NUP98: variants seen among roughly 807,000 people sequenced by gnomAD.
The protein encoded by NUP98 is nuclear pore complex protein Nup98-Nup96.
NUP98 carries 26 observed loss-of-function variants against 191.9 expected under a neutral mutation model. The observed-to-expected ratio is 0.14, with a 90% CI of 0.10 to 0.19. The LOEUF is 0.19. NUP98 is among the 10% of genes least tolerant of loss of function. NUP98 has a pLI of 1.00. For missense variants in NUP98, 1,941 were observed against 2,178.8 expected (o/e 0.89, Z 2.17); for synonymous variants, 808 against 778.4 (o/e 1.04, Z -0.63).
At chr11:3,777,732 A>C (rs2133930580) in intron 4 of NUP98, among the ~76,000 whole-genome samples, 1 of 152,248 alleles carries the variant, frequency 6.6e-6, no homozygotes, top group South Asian at 2.1e-4. Flanking sequence ...TACCAGGTTA[A>C]AGAGTACTAT....
chr11:3,682,506 A>C (rs992124234), intron 30 of NUP98, among the ~76,000 whole-genome samples: 1 of 152,220 alleles, frequency 6.6e-6, no homozygotes, highest in African/African-American at 2.4e-5. Flanking sequence ...CTTAGGAAAT[A>C]GGAAGGCCCA....
At position 3,791,102 on chromosome 11, in the gene NUP98, A is replaced by G. The variant is rs188417884; in HGVS notation, c.-29+6298T>C. The stretch of plus-strand genomic sequence containing the variant: ...AGTAGAGACGGGTTTTCACCGTGTT[A>G]GCCAGGATGGTCTCGATCTCCTGAC... On this transcript the variant is annotated intron_variant, in intron 1 of 32. Transcript: ENST00000324932. Among the ~76,000 whole-genome samples, 141 of 151,884 alleles carry G rather than the reference A, an allele frequency of 9.3e-4. 1 individual carries two copies. Among genetic ancestry groups the G allele is most frequent in the South Asian group, 3.7e-3 (18 of 4,802 alleles).
chr11:3,735,735 A>G (rs61877583), intron 12 of NUP98, among the ~76,000 whole-genome samples: 7,675 of 150,156 alleles, frequency 0.051, 258 homozygotes, highest in Middle Eastern at 0.099. Flanking sequence ...ATACGACAGT[A>G]TACAGGGCAA....
chr11:3,773,579 A>C (rs959662617), intron 6 of NUP98, 53 bp downstream of exon 6: 1 of 1,139,858 alleles, frequency 8.8e-7, no homozygotes, highest in South Asian at 1.4e-5. Context: ...TAAAAGCTGC[A>C]TTCCAATAAA....
intron 12 of NUP98, among the ~76,000 whole-genome samples, chr11:3,743,897 C>G (rs1020373722): frequency 6.7e-6 from 1 of 148,904 alleles, no homozygotes; most frequent in Non-Finnish European, 1.5e-5. Context: ...GCTCAAGATA[C>G]CAAAAAAAAA....
chr11:3,797,047 C>G (rs1414944788), intron 1 of NUP98, among the ~76,000 whole-genome samples: 1 of 152,226 alleles, frequency 6.6e-6, no homozygotes, highest in African/African-American at 2.4e-5. Context: ...CGGGGCAGAC[C>G]GTATTCAGGG....
chr11:3,706,610 C>T lies in NUP98; in HGVS notation c.2760G>A (p.Val920=). ...GTTCCACAACCCTCCCTAACTGCTC[C>T]ACCTCTGGGCTCTGGCTCTGTAGAC... The part of the protein sequence containing the change: ...APPPQSQSPE[V]EQLGRVVELD... The change falls in exon 21 of 33, where the codon GTG becomes GTA. Residue 920 remains valine, a synonymous_variant. Coordinates refer to ENST00000324932, the MANE Select transcript of NUP98 (RefSeq NM_016320.5). 1 of 1,613,858 alleles carries T rather than the reference C, an allele frequency of 6.2e-7. No individual in the cohort carries two copies. The highest frequency in any genetic ancestry group is 2.2e-5 in the East Asian group (1 of 44,878).
intron 18 of NUP98, among the ~76,000 whole-genome samples, chr11:3,719,051 C>T (rs757967376): frequency 1.5e-4 from 22 of 151,212 alleles, no homozygotes; most frequent in Non-Finnish European, 2.8e-4. Flanking sequence ...ACCCGGGAGT[C>T]GGAGGTTGCA....
At position 3,773,543 on chromosome 11, in the gene NUP98, A is replaced by T. The variant is rs1001245973; in HGVS notation, c.603+89T>A. 4.2e-5 allele frequency: 33 copies of T among 788,974 alleles called. No individual in the cohort carries two copies. The Admixed American group carries it at 9.2e-4, about 22-fold the overall frequency. The allele number at this position is 788,974 out of a possible 1,614,324, so 48.9% of individuals were successfully genotyped here. On this transcript the variant is annotated intron_variant, in intron 6 of 32. Coordinates refer to ENST00000324932, the MANE Select transcript of NUP98 (RefSeq NM_016320.5). ...ACATAAACCCAAACTGAACCACTCT[A>T]TCCTAAAGAAAATCAAAACCATTTT...
intron 26 of NUP98, 148 bp from the exon 27 acceptor site, chr11:3,693,523 T>C: frequency 1.2e-6 from 1 of 821,760 alleles, no homozygotes; most frequent in Admixed American, 2.9e-5. Context: ...ATCTCACAGC[T>C]AGTGAGAGGG....
At chr11:3,710,786 A>G (rs1235828290) in intron 20 of NUP98, among the ~76,000 whole-genome samples, 1 of 152,232 alleles carries the variant, frequency 6.6e-6, no homozygotes, top group African/African-American at 2.4e-5. Flanking sequence ...CTAGAGTCCT[A>G]CATTTCTGCT....
chr11:3,742,823 G>T (rs1385574888), intron 12 of NUP98, among the ~76,000 whole-genome samples: 1 of 151,480 alleles, frequency 6.6e-6, no homozygotes, highest in African/African-American at 2.4e-5. Context: ...GACAGAATAA[G>T]AAAAATATGT....
At chr11:3,691,202 T>C in intron 28 of NUP98, 145 bp downstream of exon 28, 1 of 762,662 alleles carries the variant, frequency 1.3e-6, no homozygotes, top group Non-Finnish European at 2.1e-6. Context: ...TAATGCTCTT[T>C]CCATTCAACT....
At chr11:3,747,094 C>T (rs973105997) in intron 11 of NUP98, among the ~76,000 whole-genome samples, 5 of 152,088 alleles carry the variant, frequency 3.3e-5, no homozygotes, top group Admixed American at 1.3e-4. Flanking sequence ...ATTTGAGAGA[C>T]ATTCTGAGTG....
At position 3,777,846 on chromosome 11, in the gene NUP98, A is replaced by G. The variant is rs559801248; in HGVS notation, c.355+1027T>C. On this transcript the variant is annotated intron_variant, in intron 4 of 32. Transcript: ENST00000324932. ...CTTTTGAATTAGTACTTCAGACTGCATTATATACTGTTATGGCTAAATATT... is the reference window on the plus strand; with the variant it reads ...CTTTTGAATTAGTACTTCAGACTGCGTTATATACTGTTATGGCTAAATATT... Among the ~76,000 whole-genome samples the G allele has an allele frequency of 5.3e-5, 8 of 152,192 alleles. No homozygotes were observed. The South Asian group carries it at 1.7e-3, about 32-fold the overall frequency.
intron 14 of NUP98, among the ~76,000 whole-genome samples, chr11:3,728,770 T>A (rs1332013468): frequency 6.6e-6 from 1 of 151,922 alleles, no homozygotes; most frequent in Admixed American, 6.6e-5. Flanking sequence ...ATAAAAACAA[T>A]AAGAACTGAA....
In NUP98 at chr11:3,768,684, G is replaced by C. The variant is rs769095343; in HGVS notation, c.845C>G (p.Thr282Ser). 7 of 1,608,802 alleles carry C rather than the reference G, an allele frequency of 4.4e-6. No individual in the cohort carries two copies. In the East Asian group the frequency reaches 1.3e-4, roughly 31 times the overall value. ...GLFGQQNQQT[T>S]SLFSKPFGQA... ...GCCAAATGGTTTGCTGAAGAGGCTG[G>C]TAGTCTGCTGATTCTGTTGGCCAAA... The change falls in exon 8 of 33, where the codon ACC (threonine) becomes AGC (serine). Residue 282 changes from threonine (T) to serine (S), a missense_variant. Physicochemically the swap from Thr to Ser is moderately conservative, Grantham distance 58. This residue lies in a region of NUP98 where 181 missense variants were observed against 228.0 expected (regional missense o/e 0.79). Coordinates refer to ENST00000324932, the MANE Select transcript of NUP98 (RefSeq NM_016320.5).
intron 15 of NUP98, among the ~76,000 whole-genome samples, chr11:3,724,359 AT>A (rs2079528299): frequency 6.6e-6 from 1 of 151,524 alleles, no homozygotes; most frequent in South Asian, 2.1e-4. Flanking sequence ...TGCTTGAACA[AT>A]TCACATCAGA....
At chr11:3,789,144 G>A (rs1006127865) in intron 1 of NUP98, among the ~76,000 whole-genome samples, 15 of 152,184 alleles carry the variant, frequency 9.9e-5, no homozygotes, top group Non-Finnish European at 4.4e-5. Context: ...AAGACTGGTA[G>A]GAGGACAAAG....
Sources: gnomAD v4.1 joint callset for allele counts (sites outside exome capture counted in the v4.1 genomes callset) on GRCh38, gnomAD v4.1.1 for gene constraint, gnomAD v4.1.1 regional missense constraint, MANE v1.5 for transcripts, NCBI Gene and HGNC (gene_info 2026-07-23, HGNC 2026-07-21) for gene names.